N4BP2L2: variants seen among roughly 807,000 people sequenced by gnomAD.
N4BP2L2 encodes the protein NEDD4-binding protein 2-like 2.
A neutral mutation model predicts 56.2 loss-of-function variants in N4BP2L2; 50 were observed. The observed-to-expected ratio is 0.89, with a 90% CI of 0.71 to 1.13. The LOEUF (loss-of-function observed/expected upper bound fraction) is 1.13, where lower values mean the gene tolerates loss of function less well. N4BP2L2 is among the 50% of genes most tolerant of loss of function. N4BP2L2 has a pLI of 0.00. For synonymous variants in N4BP2L2, 203 were observed against 223.6 expected, an observed-to-expected ratio of 0.91 and a Z score of 0.82; for missense variants, 689 against 693.8, an observed-to-expected ratio of 0.99 and a Z score of 0.08.
intron 4 of N4BP2L2, 33 bp from the exon 5 acceptor site, chr13:32,521,482 A>T: frequency 2.7e-6 from 4 of 1,477,462 alleles, no homozygotes; most frequent in Non-Finnish European, 3.7e-6. Flanking sequence ...ACAAAAACCC[A>T]GAGAAGTACT....
chr13:32,459,949 T>C (rs527873281), intron 6 of N4BP2L2, among the ~76,000 whole-genome samples: 2 of 152,226 alleles, frequency 1.3e-5, no homozygotes, highest in East Asian at 1.9e-4. Context: ...ATCAAAAGGA[T>C]AATACACTAT....
intron 9 of N4BP2L2, among the ~76,000 whole-genome samples, chr13:32,434,248 C>CTTTTTTTTT (rs369328452): frequency 0.01 from 1,155 of 111,770 alleles, 6 homozygotes; most frequent in African/African-American, 0.011. Flanking sequence ...AGCTAATTTT[C>CTTTTTTTTT]TTTTTTTCTT....
chr13:32,513,971 A>T (rs985200399), exon 6 of N4BP2L2: 1 of 152,142 alleles, frequency 6.6e-6, no homozygotes, highest in African/African-American at 2.4e-5. Context: ...TTTTTGCAAT[A>T]AAAAAATTCA....
chr13:32,517,998 T>C (rs781612082), exon 6 of N4BP2L2: 2 of 1,612,780 alleles, frequency 1.2e-6, no homozygotes, highest in Non-Finnish European at 1.7e-6. Flanking sequence ...ACCATGTTTA[T>C]TCCTCCTAAC....
chr13:32,480,869 A>G (rs550973489), intron 6 of N4BP2L2, among the ~76,000 whole-genome samples: 1 of 152,186 alleles, frequency 6.6e-6, no homozygotes, highest in East Asian at 1.9e-4. Flanking sequence ...CTATAATCCC[A>G]GCACTTTGGG....
At chr13:32,516,981 T>C (rs2049368561) in exon 6 of N4BP2L2, 1 of 974,696 alleles carries the variant, frequency 1.0e-6, no homozygotes, top group African/African-American at 1.8e-5. Context: ...TACAGAAAAA[T>C]TAGTACTAGA....
rs758153778 is a variant in N4BP2L2 at position 32,536,022 on chromosome 13, C to A, written c.1006G>T (p.Glu336Ter). The change falls in exon 2 of 6, where the codon GAA becomes TAA. Residue 336 changes from glutamate to a stop codon, truncating the protein, a stop_gained. Coordinates refer to ENST00000267068, the Ensembl canonical transcript of N4BP2L2. LOFTEE classifies it high-confidence loss of function. ...CTATTCTCACTACAGTCAGTATATT[C>A]ATTGTTCTGATCAAAAGTCATGCAA... 5 of 1,613,908 alleles carry A rather than the reference C, an allele frequency of 3.1e-6. No individual in the cohort carries two copies. The South Asian group carries it at 5.5e-5, about 18-fold the overall frequency.
At chr13:32,491,618 AT>A (rs1566118293) in intron 6 of N4BP2L2, among the ~76,000 whole-genome samples, 348 of 132,964 alleles carry the variant, frequency 2.6e-3, no homozygotes, top group African/African-American at 9.7e-3. Context: ...ATATATGTAT[AT>A]TATATATATA....
At position 32,471,450 on chromosome 13, in the gene N4BP2L2, T is replaced by C. The variant is rs2082273121; in HGVS notation, c.366-27324A>G. 3.3e-5 allele frequency among the ~76,000 whole-genome samples: 5 copies of C among 152,178 alleles called. No individual in the cohort carries two copies. The South Asian group carries it at 8.3e-4, about 25-fold the overall frequency. ...GCTCATACTGGGCTCGGAGCCAGTA[T>C]TGTTTGAGAAAGGTATAACTGCCCT... is the stretch of plus-strand genomic sequence containing the variant. On this transcript the variant is annotated intron_variant, in intron 6 of 9. Coordinates refer to the N4BP2L2 transcript ENST00000357505.
At chr13:32,472,684 C>T (rs924855980) in intron 6 of N4BP2L2, among the ~76,000 whole-genome samples, 2 of 152,144 alleles carry the variant, frequency 1.3e-5, no homozygotes, top group African/African-American at 2.4e-5. Context: ...AAGGTCACAC[C>T]CGTGAGATGA....
In N4BP2L2 at chr13:32,519,762, T is replaced by C. The variant is rs141814652; in HGVS notation, c.1550+1611A>G. ...AAAAAAAAAGACTAAATCCACAAGA[T>C]GCCAATATTTATGATTCAATCAATC... On this transcript the variant is annotated intron_variant, in intron 5 of 5. Coordinates refer to ENST00000267068, the Ensembl canonical transcript of N4BP2L2. 7.6e-3 allele frequency among the ~76,000 whole-genome samples: 1,151 copies of C among 152,246 alleles called. 21 individuals are homozygous for C. The highest frequency in any genetic ancestry group is 0.026 in the African/African-American group (1,069 of 41,540).
chr13:32,507,699 A>T (rs1448708703), downstream of N4BP2L2: 1 of 152,164 alleles, frequency 6.6e-6, no homozygotes, highest in Non-Finnish European at 1.5e-5. Context: ...CAAAGAGGCC[A>T]GTATAGATGG....
At chr13:32,506,657 G>A (rs932883559), downstream of N4BP2L2, 5 of 152,134 alleles carry the variant, frequency 3.3e-5, no homozygotes, top group Admixed American at 1.3e-4. Context: ...ACTTTGAAGA[G>A]CTCAAATCTG....
At chr13:32,448,241 T>G (rs2077334233) in intron 6 of N4BP2L2, among the ~76,000 whole-genome samples, 1 of 152,120 alleles carries the variant, frequency 6.6e-6, no homozygotes, top group African/African-American at 2.4e-5. Flanking sequence ...TGCTTGAATG[T>G]GGCTAATCAG....
rs185248845 is a variant in N4BP2L2 at position 32,504,233 on chromosome 13, C to T, written c.365+13624G>A. Among the ~76,000 whole-genome samples, 7 of 152,258 alleles carry T rather than the reference C, an allele frequency of 4.6e-5. No individual in the cohort carries two copies. The East Asian group carries it at 5.8e-4, about 13-fold the overall frequency. On this transcript the variant is annotated intron_variant, in intron 6 of 9. Transcript: ENST00000357505. ...CTCAACTAACCAGTGTTAAGAGCTG[C>T]GTATTTATTTGCTAGGGTTCCCACA...
chr13:32,481,043 G>A (rs566583723), intron 6 of N4BP2L2, among the ~76,000 whole-genome samples: 34 of 139,878 alleles, frequency 2.4e-4, no homozygotes, highest in South Asian at 1.4e-3. Context: ...CACCTGAACC[G>A]AGGAGGCAAA....
intron 1 of N4BP2L2, 56 bp downstream of exon 1, chr13:32,538,562 A>C (rs1430577205): frequency 1.1e-6 from 1 of 934,134 alleles, no homozygotes; most frequent in African/African-American, 1.8e-5. Flanking sequence ...TCAAGAAGTG[A>C]AAGCGAAAAA....
intron 6 of N4BP2L2, among the ~76,000 whole-genome samples, chr13:32,497,074 G>T (rs1374201119): frequency 6.6e-6 from 1 of 152,118 alleles, no homozygotes; most frequent in Non-Finnish European, 1.5e-5. Context: ...GTCTCTTTTG[G>T]TCAAGAAAAA....
intron 1 of N4BP2L2, among the ~76,000 whole-genome samples, chr13:32,537,846 C>T (rs961304295): frequency 4.6e-5 from 7 of 151,970 alleles, no homozygotes; most frequent in African/African-American, 1.5e-4. Flanking sequence ...CTGAGGCGGG[C>T]GGATTGCTGC....
Sources: allele counts gnomAD v4.1 joint callset (sites outside exome capture counted in the v4.1 genomes callset), GRCh38; gene constraint gnomAD v4.1.1; transcripts MANE v1.5; gene names NCBI Gene and HGNC (gene_info 2026-07-23, HGNC 2026-07-21).